NSUN4: variants seen among roughly 807,000 people sequenced by gnomAD.
The protein encoded by NSUN4 is 5-cytosine rRNA methyltransferase NSUN4.
Under a neutral mutation model 43.8 loss-of-function variants are expected in NSUN4, and 31 were observed. The ratio of observed to expected loss-of-function variants is 0.71; its 90% confidence interval spans 0.53 to 0.96. NSUN4 has a LOEUF of 0.96. Among genes scored for constraint, NSUN4 ranks in the 40% least tolerant of loss-of-function variants. NSUN4 has a pLI of 0.00. For synonymous variants in NSUN4, 167 were observed against 184.1 expected (o/e 0.91, Z 0.75); for missense variants, 439 against 475.6 (o/e 0.92, Z 0.72).
chr1:46,361,955 C>A lies in NSUN4; in HGVS notation c.*109C>A. 2.0e-6 allele frequency: 2 copies of A among 1,007,686 alleles called. No individual in the cohort carries two copies. The highest frequency in any genetic ancestry group is 1.4e-6 in the Non-Finnish European group (1 of 692,888). 62.4% of individuals were successfully genotyped at this position (1,007,686 alleles called of 1,614,324 possible). On this transcript the variant is annotated 3_prime_UTR_variant, in exon 6 of 6. Transcript: ENST00000474844. ...GATGCACTCTCGGTCCTGTCTCCAT[C>A]CTGTTCGTGTCTTTCTGCAGTTTTC... is the stretch of plus-strand genomic sequence containing the variant.
downstream of NSUN4, among the ~76,000 whole-genome samples, chr1:46,367,364 T>TA (rs2148429827): frequency 6.6e-6 from 1 of 152,358 alleles, no homozygotes; most frequent in African/African-American, 2.4e-5. Flanking sequence ...TTGTTTTACT[T>TA]ACATCATTGT....
At chr1:46,377,951 T>A in the NSUN4 span, among the ~76,000 whole-genome samples, 2,208 of 152,286 alleles carry the variant, frequency 0.014, 51 homozygotes, top group African/African-American at 0.05. Context: ...AAAACAGATT[T>A]AAGGTGAGGT....
downstream of NSUN4, among the ~76,000 whole-genome samples, chr1:46,367,969 T>A (rs1008940950): frequency 1.3e-5 from 2 of 152,078 alleles, no homozygotes; most frequent in Admixed American, 1.3e-4. Flanking sequence ...TTCGCCATGT[T>A]GCCCAGGCTG....
the NSUN4 span, among the ~76,000 whole-genome samples, chr1:46,375,455 C>T: frequency 4.7e-5 from 7 of 147,382 alleles, no homozygotes; most frequent in South Asian, 2.2e-4. Flanking sequence ...AAAAAAGGGC[C>T]GAGTGCAATG....
chr1:46,369,051 C>T (rs963821667), downstream of NSUN4, among the ~76,000 whole-genome samples: 2 of 152,210 alleles, frequency 1.3e-5, no homozygotes, highest in African/African-American at 4.8e-5. Context: ...CCCAATGCTT[C>T]TGGGTCAGGA....
In NSUN4 at chr1:46,348,837, A is replaced by G. The variant is rs562712496; in HGVS notation, c.592+1762A>G. On this transcript the variant is annotated intron_variant, in intron 3 of 5. Coordinates refer to ENST00000474844, the MANE Select transcript of NSUN4 (RefSeq NM_199044.4). ...TTTTTTTTTTTTTTTTTTTTTGAGA[A>G]GAAGTTTCGCTTTTCTACCCAAGCT... Among the ~76,000 whole-genome samples the G allele has an allele frequency of 8.4e-3, 480 of 57,034 alleles. 6 individuals are homozygous for G. Among genetic ancestry groups the G allele is most frequent in the African/African-American group, 0.027 (433 of 16,158 alleles). 37.4% of individuals were successfully genotyped at this position (57,034 alleles called of 152,430 possible).
intron 3 of NSUN4, among the ~76,000 whole-genome samples, chr1:46,347,963 C>T (rs7544951): frequency 0.22 from 33,483 of 150,798 alleles, 4,183 homozygotes; most frequent in Non-Finnish European, 0.29. Flanking sequence ...CTGCAAGCTC[C>T]GCCTCCTGGG....
At chr1:46,354,989 T>C (rs995629744) in intron 4 of NSUN4, among the ~76,000 whole-genome samples, 1 of 152,094 alleles carries the variant, frequency 6.6e-6, no homozygotes, top group Non-Finnish European at 1.5e-5. Flanking sequence ...TTTCTTGATA[T>C]GAGAGCAGTG....
At chr1:46,341,994 C>G in intron 1 of NSUN4, 1 of 1,216,572 alleles carries the variant, frequency 8.2e-7, no homozygotes, top group Non-Finnish European at 1.0e-6. Flanking sequence ...GACCTCCCCT[C>G]AGCTCACTCA....
chr1:46,349,624 G>A (rs969259865), intron 3 of NSUN4, among the ~76,000 whole-genome samples: 1 of 152,184 alleles, frequency 6.6e-6, no homozygotes, highest in Non-Finnish European at 1.5e-5. Context: ...TTCTTTTCCA[G>A]GTCTTGTCAG....
intron 4 of NSUN4, among the ~76,000 whole-genome samples, chr1:46,359,053 T>C (rs746942279): frequency 1.1e-4 from 16 of 151,976 alleles, no homozygotes; most frequent in Non-Finnish European, 2.2e-4. Flanking sequence ...AGGTCAAGAT[T>C]TCGAGACCAA....
At chr1:46,353,219 A>G (rs1663132004) in intron 4 of NSUN4, among the ~76,000 whole-genome samples, 191 bp downstream of exon 4, 1 of 152,198 alleles carries the variant, frequency 6.6e-6, no homozygotes, top group Admixed American at 6.5e-5. Context: ...ATCTCTATTA[A>G]AGATAGTTGG....
At chr1:46,367,605 G>A (rs190494299), downstream of NSUN4, among the ~76,000 whole-genome samples, 25 of 152,190 alleles carry the variant, frequency 1.6e-4, no homozygotes, top group African/African-American at 6.0e-4. Context: ...GTGTTAGACA[G>A]CAATCTTTTA....
intron 1 of NSUN4, chr1:46,342,903 C>T (rs1258690402): frequency 5.0e-6 from 2 of 400,086 alleles, no homozygotes; most frequent in Non-Finnish European, 8.8e-6. Flanking sequence ...CCTCTCTGGT[C>T]CTTCTTGTAT....
At chr1:46,343,022 T>C in intron 1 of NSUN4, 1 of 399,726 alleles carries the variant, frequency 2.5e-6, no homozygotes, top group Non-Finnish European at 4.4e-6. Flanking sequence ...TCCCCACTTC[T>C]TTTCCCCTCT....
chr1:46,374,217 C>T, the NSUN4 span, among the ~76,000 whole-genome samples: 36,106 of 133,418 alleles, frequency 0.27, 5,433 homozygotes, highest in East Asian at 0.5. Flanking sequence ...ACCTGGGAGG[C>T]GGAGGATGTG....
Position 46,345,053 on chromosome 1 carries a change from G to A in NSUN4, c.346G>A (p.Ala116Thr). ...WELQSEGGQS[A>T]APSPASWACS... ...ACTGCAGTCTGAGGGTGGCCAATCT[G>A]CAGCCCCATCCCCTGCCTCCTGGGC... Residue 116 changes from alanine to threonine, a missense_variant, in exon 2 of 6, where the codon GCA (alanine) becomes ACA (threonine). Physicochemically the swap from Ala to Thr is moderately conservative, Grantham distance 58. Transcript: ENST00000474844. 6.2e-7 allele frequency: 1 copy of A among 1,614,154 alleles called. No individual in the cohort carries two copies. The highest frequency in any genetic ancestry group is 8.5e-7 in the Non-Finnish European group (1 of 1,180,014).
At chr1:46,371,934 C>A in the NSUN4 span, among the ~76,000 whole-genome samples, 1 of 152,032 alleles carries the variant, frequency 6.6e-6, no homozygotes, top group Non-Finnish European at 1.5e-5. Flanking sequence ...AGGGATCCGC[C>A]CCTATGATTC....
intron 3 of NSUN4, among the ~76,000 whole-genome samples, chr1:46,347,355 T>C (rs1006017693): frequency 3.9e-5 from 6 of 152,226 alleles, no homozygotes; most frequent in African/African-American, 1.4e-4. Flanking sequence ...GGAGAATTGC[T>C]TGAACCCGGG....
Sources: gnomAD v4.1 joint callset for allele counts (sites outside exome capture counted in the v4.1 genomes callset) on GRCh38, gnomAD v4.1.1 for gene constraint, MANE v1.5 for transcripts, NCBI Gene and HGNC (gene_info 2026-07-23, HGNC 2026-07-21) for gene names.